The following SHCBP1L variants were observed in gnomAD, a reference collection of about 807,000 sequenced individuals.
SHCBP1L encodes the protein SHC binding and spindle associated 1 like.
SHCBP1L carries 67 observed loss-of-function variants against 62.5 expected under a neutral mutation model. The ratio of observed to expected loss-of-function variants is 1.07; its 90% CI spans 0.88 to 1.31. The LOEUF (loss-of-function observed/expected upper bound fraction) is 1.31, where lower values mean the gene tolerates loss of function less well. SHCBP1L is among the 40% of genes most tolerant of loss of function. The pLI is 0.00. For missense variants in SHCBP1L, 823 were observed against 809.8 expected, an observed-to-expected ratio of 1.02 and a Z score of -0.20; for synonymous variants, 284 against 289.4, an observed-to-expected ratio of 0.98 and a Z score of 0.19.
At chr1:182,914,576 G>A (rs1650294435) in intron 6 of SHCBP1L, among the ~76,000 whole-genome samples, 2 of 152,104 alleles carry the variant, frequency 1.3e-5, no homozygotes, top group African/African-American at 2.4e-5. Context: ...AATGTAGGAT[G>A]TGAATTACAA....
chr1:182,938,682 A>G (rs1651256860), intron 5 of SHCBP1L, among the ~76,000 whole-genome samples: 1 of 151,802 alleles, frequency 6.6e-6, no homozygotes, highest in Admixed American at 6.6e-5. Flanking sequence ...TATGCTGCCC[A>G]AGGCTGGTCT....
In SHCBP1L at chr1:182,952,790, C is replaced by G; in HGVS notation, c.344G>C (p.Arg115Thr). Residue 115 changes from arginine (R) to threonine (T), a missense_variant, in exon 1 of 10, where the codon AGG becomes ACG. Coordinates refer to ENST00000367547, the MANE Select transcript of SHCBP1L (RefSeq NM_030933.4). ...PLPPVCVSRM[R>T]GMWRDEKVSL... Reference sequence around the variant, plus strand: ...CACCTTCTCGTCCCGCCACATCCCCCTCATACGGGACACGCAGACTGGGGG... The same window carrying G: ...CACCTTCTCGTCCCGCCACATCCCCGTCATACGGGACACGCAGACTGGGGG... The G allele has an allele frequency of 6.2e-7, 1 of 1,612,798 alleles. No individual in the cohort carries two copies. The highest frequency in any genetic ancestry group is 8.5e-7 in the Non-Finnish European group (1 of 1,179,522).
chr1:182,940,494 A>G lies in SHCBP1L; in HGVS notation c.605T>C (p.Val202Ala), dbSNP rs541094989. Residue 202 changes from valine (V) to alanine (A), a missense_variant, in exon 3 of 10, where the codon GTT (valine) becomes GCT (alanine). Val to Ala is a moderately conservative substitution (Grantham distance 64). Transcript: ENST00000367547. Reference protein sequence around the residue: ...QDSSSRFKVTVSVAEPFSSNI... With the variant: ...QDSSSRFKVTASVAEPFSSNI... ...GGAAGAAAAGGGCTCAGCAACAGAAACAGTAACTTTGAAACGAGATGATGA... is the reference window on the plus strand; with the variant it reads ...GGAAGAAAAGGGCTCAGCAACAGAAGCAGTAACTTTGAAACGAGATGATGA... 12 of 1,613,886 alleles carry G rather than the reference A, an allele frequency of 7.4e-6. No individual in the cohort carries two copies. Among genetic ancestry groups the G allele is most frequent in the African/African-American group, 2.7e-5 (2 of 74,930 alleles).
At chr1:182,906,163 T>C (rs935082828) in intron 6 of SHCBP1L, among the ~76,000 whole-genome samples, 1 of 152,122 alleles carries the variant, frequency 6.6e-6, no homozygotes, top group East Asian at 1.9e-4. Context: ...CTTAAACTCC[T>C]GACCTCAGGC....
chr1:182,900,330 T>C (rs1000921414), intron 9 of SHCBP1L, 96 bp from the exon 10 acceptor site: 30 of 1,072,828 alleles, frequency 2.8e-5, no homozygotes, highest in Non-Finnish European at 3.6e-5. Context: ...TATTCTTGGA[T>C]TAACAGATTT....
At chr1:182,929,042 A>G (rs1224065631) in intron 6 of SHCBP1L, among the ~76,000 whole-genome samples, 1 of 152,190 alleles carries the variant, frequency 6.6e-6, no homozygotes, top group Non-Finnish European at 1.5e-5. Context: ...AAAACAAGGA[A>G]AGAGATTATT....
rs116637187 is a variant in SHCBP1L at position 182,925,382 on chromosome 1, A to C, written c.1182+4265T>G. On this transcript the variant is annotated intron_variant, in intron 6 of 9. Transcript: ENST00000367547. Reference sequence around the variant, plus strand: ...ACAAAATGGGATATGAATTTAATAGATGTTACTCCAAGGAAGATACACAAA... The same window carrying C: ...ACAAAATGGGATATGAATTTAATAGCTGTTACTCCAAGGAAGATACACAAA... Among the ~76,000 whole-genome samples the C allele has an allele frequency of 5.0e-3, 757 of 152,320 alleles. 6 individuals are homozygous for C. The highest frequency in any genetic ancestry group is 0.017 in the African/African-American group (695 of 41,568).
At chr1:182,919,938 C>T (rs1447843980) in intron 6 of SHCBP1L, among the ~76,000 whole-genome samples, 1 of 152,116 alleles carries the variant, frequency 6.6e-6, no homozygotes, top group South Asian at 2.1e-4. Context: ...TGCACACATA[C>T]AGGCAGACGT....
intron 5 of SHCBP1L, among the ~76,000 whole-genome samples, chr1:182,933,961 A>C (rs1230125884): frequency 6.6e-6 from 1 of 152,074 alleles, no homozygotes; most frequent in Non-Finnish European, 1.5e-5. Flanking sequence ...CTAGTCCTTG[A>C]CTTTCCTTTG....
At chr1:182,937,995 G>A (rs892128346) in intron 5 of SHCBP1L, among the ~76,000 whole-genome samples, 10 of 152,146 alleles carry the variant, frequency 6.6e-5, no homozygotes, top group African/African-American at 1.4e-4. Context: ...TTTAGTGTGA[G>A]GTTTTATATT....
At chr1:182,905,889 G>C (rs1234159645) in intron 6 of SHCBP1L, among the ~76,000 whole-genome samples, 1 of 151,980 alleles carries the variant, frequency 6.6e-6, no homozygotes. Context: ...GCCATATTTT[G>C]AACTTTACAT....
intron 6 of SHCBP1L, among the ~76,000 whole-genome samples, chr1:182,927,050 CTA>C (rs58308065): frequency 2.4e-4 from 22 of 90,560 alleles, no homozygotes; most frequent in African/African-American, 2.8e-4. Context: ...TTAACTAGCA[CTA>C]TATATATATA....
chr1:182,903,188 T>C (rs375942091), intron 8 of SHCBP1L, 27 bp from the exon 9 acceptor site: 5 of 1,496,186 alleles, frequency 3.3e-6, no homozygotes, highest in African/African-American at 1.4e-5. Flanking sequence ...AATAAAACTA[T>C]CTACAAAATA....
chr1:182,930,695 G>A lies in SHCBP1L; in HGVS notation c.1077-943C>T, dbSNP rs1319007996. Among the ~76,000 whole-genome samples, 374 of 74,570 alleles carry A rather than the reference G, an allele frequency of 5.0e-3. 9 individuals are homozygous for A. The highest frequency in any genetic ancestry group is 0.025 in the African/African-American group (291 of 11,510). The allele number at this position is 74,570 out of a possible 152,430, so 48.9% of individuals were successfully genotyped here. Reference sequence around the variant, plus strand: ...TGTGTGTGTGTGTGTGTGTGTGTGTGTGTGTGTGTATATATATATATATAT... The same window carrying A: ...TGTGTGTGTGTGTGTGTGTGTGTGTATGTGTGTGTATATATATATATATAT... On this transcript the variant is annotated intron_variant, in intron 5 of 9. Coordinates refer to ENST00000367547, the MANE Select transcript of SHCBP1L (RefSeq NM_030933.4).
At chr1:182,928,482 G>A (rs554430453) in intron 6 of SHCBP1L, among the ~76,000 whole-genome samples, 1 of 152,274 alleles carries the variant, frequency 6.6e-6, no homozygotes, top group South Asian at 2.1e-4. Flanking sequence ...GCAGTCTAAT[G>A]TATTATGAAA....
At chr1:182,944,172 G>A (rs1304331397) in intron 2 of SHCBP1L, among the ~76,000 whole-genome samples, 2 of 114,818 alleles carry the variant, frequency 1.7e-5, no homozygotes, top group African/African-American at 4.3e-5. Context: ...CCGGGAGGCC[G>A]AGGCAGGCAG....
intron 2 of SHCBP1L, among the ~76,000 whole-genome samples, chr1:182,945,415 A>G (rs115494424): frequency 0.04 from 6,093 of 152,318 alleles, 302 homozygotes; most frequent in African/African-American, 0.11. Flanking sequence ...GAGTTCTCTG[A>G]CCAGTTCTAT....
intron 2 of SHCBP1L, among the ~76,000 whole-genome samples, chr1:182,945,585 C>G (rs1651536944): frequency 6.6e-6 from 1 of 152,134 alleles, no homozygotes; most frequent in African/African-American, 2.4e-5. Context: ...AGATGACATC[C>G]ATTAACTTCC....
chr1:182,900,823 A>G (rs915569971), intron 9 of SHCBP1L, among the ~76,000 whole-genome samples: 1 of 152,138 alleles, frequency 6.6e-6, no homozygotes, highest in African/African-American at 2.4e-5. Flanking sequence ...GCTTGAGCCC[A>G]GGAGTTCGAG....
Sources: allele counts gnomAD v4.1 joint callset (sites outside exome capture counted in the v4.1 genomes callset), GRCh38; gene constraint gnomAD v4.1.1; transcripts MANE v1.5; gene names NCBI Gene and HGNC (gene_info 2026-07-23, HGNC 2026-07-21).